The following XRN1 variants were observed in gnomAD, a reference collection of about 807,000 sequenced individuals.
The protein encoded by XRN1 is 5'-3' exoribonuclease 1, also known as strand-exchange protein 1 homolog.
Under a neutral mutation model 222.3 loss-of-function variants are expected in XRN1, and 67 were observed. That is an observed-to-expected ratio of 0.30 (90% CI 0.25 to 0.37). The LOEUF (loss-of-function observed/expected upper bound fraction) is 0.37, where lower values mean the gene tolerates loss of function less well. XRN1 is among the 10% of genes least tolerant of loss of function. The pLI is 1.00. For missense variants in XRN1, 1,707 were observed against 2,000.2 expected (o/e 0.85, Z 2.80); for synonymous variants, 643 against 652.4 (o/e 0.99, Z 0.22).
At chr3:142,377,006 A>C (rs552942282) in intron 23 of XRN1, among the ~76,000 whole-genome samples, 1 of 152,286 alleles carries the variant, frequency 6.6e-6, no homozygotes, top group East Asian at 1.9e-4. Flanking sequence ...CTCAGTAATT[A>C]TTACATTGAA....
In XRN1 at chr3:142,448,021, G is replaced by A; in HGVS notation, c.-77C>T. 4.0e-6 allele frequency: 6 copies of A among 1,495,240 alleles called. No individual in the cohort carries two copies. Among genetic ancestry groups the A allele is most frequent in the Non-Finnish European group, 5.6e-6 (6 of 1,080,248 alleles). 92.6% of individuals were successfully genotyped at this position (1,495,240 alleles called of 1,614,324 possible). On this transcript the variant is annotated 5_prime_UTR_variant, in exon 1 of 41. Transcript: ENST00000392981. The stretch of plus-strand genomic sequence containing the variant: ...CGCCGGGGCTCCGCCGCAGCCTCCG[G>A]TCGTCGCTCCGCGGATGACAACACA...
At chr3:142,311,920 G>C in intron 40 of XRN1, 107 bp from the exon 41 acceptor site, 1 of 1,095,640 alleles carries the variant, frequency 9.1e-7, no homozygotes, top group Non-Finnish European at 1.3e-6. Flanking sequence ...AATCACAGCT[G>C]ATCTGTGACT....
rs190357307 is a variant in XRN1, at chr3:142,312,769, C to G, written c.4622-11G>C. ...AAGGCATTATATTAGCTGTTAAAAA[C>G]CAAGGAAAATTTTTCTTTTAGTAAA... On this transcript the variant is annotated splice_polypyrimidine_tract_variant and intron_variant, in intron 39 of 40. Transcript: ENST00000392981. 1.3e-6 allele frequency: 2 copies of G among 1,579,616 alleles called. No individual in the cohort carries two copies. Among genetic ancestry groups the G allele is most frequent in the Non-Finnish European group, 1.7e-6 (2 of 1,162,266 alleles).
rs1405769179 is a variant in XRN1 at position 142,310,674 on chromosome 3, TAC to T, written c.*835_*836del. On this transcript the variant is annotated 3_prime_UTR_variant, in exon 41 of 41. Coordinates refer to ENST00000392981, the MANE Select transcript of XRN1 (RefSeq NM_001282857.2). Reference sequence around the variant, plus strand: ...GCAAATAAAAAGCTATACAAAATAATACAGTTTATTAATTAACATGACTAATA... The same window carrying T: ...GCAAATAAAAAGCTATACAAAATAATAGTTTATTAATTAACATGACTAATA... 4.6e-5 allele frequency: 7 copies of T among 152,606 alleles called. No individual in the cohort carries two copies. The highest frequency in any genetic ancestry group is 1.4e-4 in the African/African-American group (6 of 41,452). The allele number at this position is 152,606 out of a possible 1,614,324, so 9.5% of individuals were successfully genotyped here.
intron 22 of XRN1, among the ~76,000 whole-genome samples, chr3:142,381,980 A>G (rs1313236402): frequency 1.3e-5 from 2 of 152,204 alleles, no homozygotes; most frequent in African/African-American, 4.8e-5. Flanking sequence ...ATGCTTCCAC[A>G]TAATTAGGTT....
At position 142,371,253 on chromosome 3, in the gene XRN1, T is replaced by G. The variant is rs1348046711; in HGVS notation, c.3054A>C (p.Gly1018=). The change falls in exon 26 of 41, where the codon GGA becomes GGC. Residue 1018 remains glycine, a synonymous_variant. Coordinates refer to ENST00000392981, the MANE Select transcript of XRN1 (RefSeq NM_001282857.2). ...ATCTTGCTTACCCATTCTCATTTTC[T>G]CCAGGCCAAATGTCATCTTCATAGA... ...DVFYEDDIWP[G]ENENGAEKVQ... The G allele has an allele frequency of 1.9e-6, 3 of 1,613,326 alleles. No individual in the cohort carries two copies. In the Admixed American group the frequency reaches 5.0e-5, roughly 27 times the overall value.
In XRN1 at chr3:142,312,644, G is replaced by A. The variant is rs1305031797; in HGVS notation, c.4736C>T (p.Ala1579Val). 1 of 1,613,436 alleles carries A rather than the reference G, an allele frequency of 6.2e-7. No homozygotes were observed. Among genetic ancestry groups the A allele is most frequent in the South Asian group, 1.1e-5 (1 of 90,984 alleles). The change falls in exon 40 of 41, where the codon GCT becomes GTT. Residue 1579 changes from alanine to valine, a missense_variant. Ala to Val is a moderately conservative substitution (Grantham distance 64). Transcript: ENST00000392981. ...HTLYSGTMPMAGGIPGGVHNQ... is the reference protein window; with the variant it reads ...HTLYSGTMPMVGGIPGGVHNQ... ...GTGCACACCCCCTGGTATTCCCCCA[G>A]CCATGGGCATGGTCCCAGAATATAA...
At chr3:142,386,390 A>G (rs150045650) in intron 20 of XRN1, among the ~76,000 whole-genome samples, 112 of 152,256 alleles carry the variant, frequency 7.4e-4, no homozygotes, top group African/African-American at 2.6e-3. Flanking sequence ...AATTCAATCA[A>G]TGCAATTCAT....
chr3:142,332,632 A>G (rs2065732596), intron 35 of XRN1, 98 bp from the exon 36 acceptor site: 2 of 1,154,214 alleles, frequency 1.7e-6, no homozygotes, highest in South Asian at 2.1e-5. Flanking sequence ...AAAGAATTCC[A>G]TTGTTAACAA....
At chr3:142,419,311 T>C (rs887275990) in intron 10 of XRN1, among the ~76,000 whole-genome samples, 5 of 151,686 alleles carry the variant, frequency 3.3e-5, no homozygotes, top group African/African-American at 1.2e-4. Context: ...CAGAGCCCGT[T>C]TTCTTAGGGG....
At chr3:142,402,995 A>G (rs1417019154) in intron 18 of XRN1, among the ~76,000 whole-genome samples, 1 of 151,962 alleles carries the variant, frequency 6.6e-6, no homozygotes. Context: ...GCTTTCTTTG[A>G]TTTCTCTTTT....
At chr3:142,399,594 C>T (rs2068051744) in intron 19 of XRN1, among the ~76,000 whole-genome samples, 1 of 151,680 alleles carries the variant, frequency 6.6e-6, no homozygotes, top group Non-Finnish European at 1.5e-5. Context: ...TGGACTTCAT[C>T]AGAAAGGTAG....
At chr3:142,337,277 T>G (rs2065877369) in intron 33 of XRN1, among the ~76,000 whole-genome samples, 1 of 152,148 alleles carries the variant, frequency 6.6e-6, no homozygotes, top group South Asian at 2.1e-4. Context: ...TGTCACTCTA[T>G]CCTCTTAATC....
At chr3:142,400,594 G>C in intron 18 of XRN1, 47 bp from the exon 19 acceptor site, 1 of 1,522,258 alleles carries the variant, frequency 6.6e-7, no homozygotes, top group Non-Finnish European at 9.0e-7. Flanking sequence ...AGGTCTAAGA[G>C]AAAACTTTAC....
Position 142,400,988 on chromosome 3 carries a change from AG to A in XRN1, c.2104-442del, listed in dbSNP as rs377623568. 5.2e-3 allele frequency among the ~76,000 whole-genome samples: 783 copies of A among 151,768 alleles called. 9 individuals are homozygous for A. The highest frequency in any genetic ancestry group is 0.019 in the African/African-American group (761 of 41,012). ...CTTTACAAAATTCCATCTTCCATCC[AG>A]GTGTAAAACTCTATCATTCTAATTA... On this transcript the variant is annotated intron_variant, in intron 18 of 40. Coordinates refer to ENST00000392981, the MANE Select transcript of XRN1 (RefSeq NM_001282857.2).
chr3:142,312,468 G>A (rs2065102133), intron 40 of XRN1, 130 bp downstream of exon 40: 3 of 863,472 alleles, frequency 3.5e-6, no homozygotes, highest in Admixed American at 3.3e-5. Context: ...GTCAACCATT[G>A]CCTTCTTACT....
At chr3:142,403,404 A>G (rs2068219479) in intron 18 of XRN1, among the ~76,000 whole-genome samples, 1 of 152,118 alleles carries the variant, frequency 6.6e-6, no homozygotes, top group Non-Finnish European at 1.5e-5. Context: ...GCTCAAGCCT[A>G]TTCTCATTTA....
intron 15 of XRN1, among the ~76,000 whole-genome samples, chr3:142,407,066 T>C (rs560227200): frequency 3.0e-4 from 45 of 152,376 alleles, no homozygotes; most frequent in African/African-American, 9.9e-4. Flanking sequence ...TTTACACTTA[T>C]GCATGCCTGC....
chr3:142,410,485 A>ATTTT (rs1358421789), intron 15 of XRN1, among the ~76,000 whole-genome samples: 3 of 93,460 alleles, frequency 3.2e-5, no homozygotes, highest in African/African-American at 1.5e-4. Flanking sequence ...ATTCTATCTC[A>ATTTT]TGTTTTTTTT....
Sources: allele counts gnomAD v4.1 joint callset (sites outside exome capture counted in the v4.1 genomes callset), GRCh38; gene constraint gnomAD v4.1.1; transcripts MANE v1.5; gene names NCBI Gene and HGNC (gene_info 2026-07-23, HGNC 2026-07-21).